PLPP4: variants seen among roughly 807,000 people sequenced by gnomAD.
PLPP4 encodes phospholipid phosphatase 4, also known as diacylglycerol pyrophosphate like 2.
A neutral mutation model predicts 32.2 loss-of-function variants in PLPP4; 20 were observed. The observed-to-expected ratio is 0.62, with a 90% CI of 0.44 to 0.90. The LOEUF (loss-of-function observed/expected upper bound fraction) is 0.90, where lower values mean the gene tolerates loss of function less well. Among genes scored for constraint, PLPP4 ranks in the 40% least tolerant of loss-of-function variants. The pLI is 0.00. For synonymous variants in PLPP4, 127 were observed against 133.0 expected, an observed-to-expected ratio of 0.95 and a Z score of 0.31; for missense variants, 257 against 353.1, an observed-to-expected ratio of 0.73 and a Z score of 2.18.
chr10:120,554,963 G>A (rs1319309990), intron 5 of PLPP4, among the ~76,000 whole-genome samples: 1 of 152,080 alleles, frequency 6.6e-6, no homozygotes, highest in Non-Finnish European at 1.5e-5. Flanking sequence ...CAACCAGCTG[G>A]CTCTGTCTGC....
chr10:120,499,885 T>A (rs1845157768), intron 1 of PLPP4, among the ~76,000 whole-genome samples: 1 of 152,132 alleles, frequency 6.6e-6, no homozygotes, highest in Admixed American at 6.5e-5. Context: ...GGAGGATGTT[T>A]CCAGGCCTGG....
Position 120,558,503 on chromosome 10 carries a change from C to T in PLPP4, c.446-16628C>T, listed in dbSNP as rs144360633. Among the ~76,000 whole-genome samples the T allele has an allele frequency of 4.8e-3, 726 of 151,282 alleles. 5 individuals carry two copies. The highest frequency in any genetic ancestry group is 4.2e-3 in the Non-Finnish European group (282 of 67,874). ...AGGTCACTGCGACCTGCAACCTCCA[C>T]CTCCCAGGTTCAAGCTATTCTCCTG... On this transcript the variant is annotated intron_variant, in intron 5 of 6. Transcript: ENST00000398250.
chr10:120,472,472 A>G (rs568607848), intron 1 of PLPP4, among the ~76,000 whole-genome samples: 3 of 152,078 alleles, frequency 2.0e-5, no homozygotes, highest in African/African-American at 4.8e-5. Context: ...TGTTGCTTTT[A>G]TGAATGTAAT....
chr10:120,572,847 T>C (rs562207996), intron 5 of PLPP4, among the ~76,000 whole-genome samples: 35 of 152,352 alleles, frequency 2.3e-4, no homozygotes, highest in African/African-American at 7.9e-4. Flanking sequence ...GGTGGCCAGA[T>C]AGGGCCACTT....
chr10:120,464,414 C>T (rs1178538892), intron 1 of PLPP4, among the ~76,000 whole-genome samples: 1 of 152,156 alleles, frequency 6.6e-6, no homozygotes, highest in Non-Finnish European at 1.5e-5. Context: ...CCATAGGTGT[C>T]TAATGATGTT....
At chr10:120,540,970 T>C (rs990010059) in intron 5 of PLPP4, among the ~76,000 whole-genome samples, 2 of 152,210 alleles carry the variant, frequency 1.3e-5, no homozygotes, top group African/African-American at 4.8e-5. Flanking sequence ...ATTTTAACTT[T>C]AGAGTTTCTG....
chr10:120,581,928 A>G (rs999998887), intron 6 of PLPP4, among the ~76,000 whole-genome samples: 2 of 152,194 alleles, frequency 1.3e-5, no homozygotes, highest in Non-Finnish European at 2.9e-5. Flanking sequence ...TCAGATATCA[A>G]TATCTTAGGC....
intron 6 of PLPP4, among the ~76,000 whole-genome samples, chr10:120,584,277 C>T (rs1849651824): frequency 1.3e-5 from 2 of 152,196 alleles, no homozygotes; most frequent in Non-Finnish European, 2.9e-5. Context: ...TAGCCCAGAT[C>T]TCTGTGCTGG....
intron 1 of PLPP4, among the ~76,000 whole-genome samples, chr10:120,459,553 G>A (rs1379226848): frequency 6.6e-6 from 1 of 152,164 alleles, no homozygotes; most frequent in Non-Finnish European, 1.5e-5. Context: ...GGAAATGATG[G>A]CAATATTGGG....
At chr10:120,557,618 C>A (rs191091520) in intron 5 of PLPP4, among the ~76,000 whole-genome samples, 13 of 152,190 alleles carry the variant, frequency 8.5e-5, no homozygotes, top group Admixed American at 8.5e-4. Context: ...CTATGTAAAG[C>A]CTCCCTAATT....
chr10:120,520,902 G>A (rs929613900), intron 4 of PLPP4, 69 bp from the exon 5 acceptor site: 36 of 1,589,192 alleles, frequency 2.3e-5, no homozygotes, highest in Non-Finnish European at 2.7e-5. Flanking sequence ...GGGGAGTTGG[G>A]GGGGTCAGCT....
At chr10:120,580,012 C>T (rs1287577917) in intron 6 of PLPP4, among the ~76,000 whole-genome samples, 2 of 147,182 alleles carry the variant, frequency 1.4e-5, no homozygotes, top group East Asian at 2.1e-4. Flanking sequence ...CCCAGCTACT[C>T]GGGAGGCTGA....
chr10:120,527,970 G>A (rs1259583241), intron 5 of PLPP4, among the ~76,000 whole-genome samples: 1 of 151,868 alleles, frequency 6.6e-6, no homozygotes, highest in African/African-American at 2.4e-5. Context: ...GAAAGTAGAG[G>A]AAATTGCAAG....
intron 1 of PLPP4, among the ~76,000 whole-genome samples, chr10:120,479,657 A>C (rs1844108006): frequency 6.6e-6 from 1 of 152,204 alleles, no homozygotes; most frequent in Admixed American, 6.5e-5. Context: ...GTGTGCAGGA[A>C]GTGTTTGCTG....
intron 1 of PLPP4, among the ~76,000 whole-genome samples, chr10:120,501,100 CTG>C (rs1278442455): frequency 1.3e-5 from 2 of 152,240 alleles, no homozygotes; most frequent in Non-Finnish European, 2.9e-5. Context: ...CAGCCATTGA[CTG>C]TGCCCACATG....
chr10:120,560,062 G>A lies in PLPP4; in HGVS notation c.446-15069G>A, dbSNP rs1488475643. On this transcript the variant is annotated intron_variant, in intron 5 of 6. Coordinates refer to ENST00000398250, the MANE Select transcript of PLPP4 (RefSeq NM_001030059.3). ...TCACGTGAGCAGTTCGTGTCTCCAC[G>A]AAATTGGCGGTGGGCCACAGTGAAA... is the stretch of plus-strand genomic sequence containing the variant. 1.1e-4 allele frequency among the ~76,000 whole-genome samples: 17 copies of A among 152,320 alleles called. No homozygotes were observed. The East Asian group carries it at 1.2e-3, about 10-fold the overall frequency.
At chr10:120,585,171 A>G (rs1387290034) in intron 6 of PLPP4, among the ~76,000 whole-genome samples, 1 of 152,244 alleles carries the variant, frequency 6.6e-6, no homozygotes, top group Non-Finnish European at 1.5e-5. Context: ...ACAATAGTGC[A>G]ACTCTAAGAC....
chr10:120,503,536 C>G (rs746567378), intron 1 of PLPP4: 1 of 1,596,194 alleles, frequency 6.3e-7, no homozygotes, highest in Non-Finnish European at 8.5e-7. Context: ...TACTTTGGAA[C>G]CCCAAGTCCT....
chr10:120,537,992 TTCTCTCTCTCTCTCTCTC>T (rs1158226991), intron 5 of PLPP4, among the ~76,000 whole-genome samples: 259 of 19,052 alleles, frequency 0.014, 15 homozygotes, highest in South Asian at 0.032. Flanking sequence ...ACCAGGCCCT[TTCTCTCTCTCTCTCTCTC>T]TCTCTCTCTC....
Sources: allele counts gnomAD v4.1 joint callset (sites outside exome capture counted in the v4.1 genomes callset), GRCh38; gene constraint gnomAD v4.1.1; transcripts MANE v1.5; gene names NCBI Gene and HGNC (gene_info 2026-07-23, HGNC 2026-07-21).